PTPRN2: variants seen among roughly 807,000 people sequenced by gnomAD.
PTPRN2 encodes the protein protein tyrosine phosphatase receptor type N2.
Under a neutral mutation model 118.8 loss-of-function variants are expected in PTPRN2, and 74 were observed. The ratio of observed to expected loss-of-function variants is 0.62; its 90% CI spans 0.52 to 0.76. PTPRN2 has a LOEUF of 0.76. PTPRN2 is among the 30% of genes least tolerant of loss of function. The pLI, the probability that PTPRN2 is intolerant of heterozygous loss-of-function variation, is 0.00. For missense variants in PTPRN2, 1,481 were observed against 1,394.4 expected, an observed-to-expected ratio of 1.06 and a Z score of -0.99; for synonymous variants, 641 against 608.0, an observed-to-expected ratio of 1.05 and a Z score of -0.80.
rs183610578 is a variant in PTPRN2, at chr7:158,557,785, G to T, written c.112+29773C>A. ...CGCCTAGAAGTGGGCTGGCCAATGT[G>T]GTCAGGAAGGAAGGGTGACTTGGGA... On this transcript the variant is annotated intron_variant, in intron 1 of 22. Transcript: ENST00000389418. Among the ~76,000 whole-genome samples the T allele has an allele frequency of 2.5e-4, 38 of 152,260 alleles. No individual in the cohort carries two copies. In the East Asian group the frequency reaches 7.2e-3, roughly 29 times the overall value.
At chr7:158,091,042 G>A (rs1814078083) in intron 10 of PTPRN2, among the ~76,000 whole-genome samples, 1 of 152,202 alleles carries the variant, frequency 6.6e-6, no homozygotes, top group South Asian at 2.1e-4. Flanking sequence ...TTCGGAAATG[G>A]TTTTAAATAA....
intron 3 of PTPRN2, among the ~76,000 whole-genome samples, chr7:158,289,047 C>T (rs1799940634): frequency 6.6e-6 from 1 of 152,168 alleles, no homozygotes; most frequent in African/African-American, 2.4e-5. Flanking sequence ...TATAAACCTT[C>T]CTGTAACTCC....
chr7:158,096,035 T>C (rs1435748895), intron 10 of PTPRN2, among the ~76,000 whole-genome samples: 1 of 152,246 alleles, frequency 6.6e-6, no homozygotes, highest in Non-Finnish European at 1.5e-5. Flanking sequence ...GAGAAAAGAA[T>C]GGGTTCTTCT....
Position 157,898,702 on chromosome 7 carries a change from G to C in PTPRN2, c.1759C>G (p.Leu587Val). The C allele has an allele frequency of 6.2e-7, 1 of 1,608,124 alleles. No homozygotes were observed. ...NKDKLEETSGLKILQTGVGSK... is the reference protein window; with the variant it reads ...NKDKLEETSGVKILQTGVGSK... ...CCGACTCCGGTTTGAAGAATTTTCA[G>C]TCCAGAGGTTTCCTCCAGTTTGTCT... Residue 587 changes from leucine (L) to valine (V), a missense_variant, in exon 12 of 23, where the codon CTG becomes GTG. Transcript: ENST00000389418.
In PTPRN2 at chr7:158,529,953, C is replaced by G. The variant is rs1008592344; in HGVS notation, c.113-40168G>C. 6.6e-6 allele frequency among the ~76,000 whole-genome samples: 1 copy of G among 152,110 alleles called. No individual in the cohort carries two copies. The highest frequency in any genetic ancestry group is 2.4e-5 in the African/African-American group (1 of 41,430). On this transcript the variant is annotated intron_variant, in intron 1 of 22. Coordinates refer to ENST00000389418, the MANE Select transcript of PTPRN2 (RefSeq NM_002847.5). The surrounding 1 kb of genome is among the most constrained non-coding windows in gnomAD (Gnocchi z 4.7). The stretch of plus-strand genomic sequence containing the variant: ...CACATGCACACATGTATCTCACATA[C>G]CACACACAAGCATGCACGCCACACA...
intron 9 of PTPRN2, among the ~76,000 whole-genome samples, chr7:158,121,468 G>A (rs1220747953): frequency 6.6e-6 from 1 of 152,240 alleles, no homozygotes; most frequent in African/African-American, 2.4e-5. Flanking sequence ...TGTCATCTGA[G>A]TTTGTTTCTT....
chr7:158,356,907 T>G (rs904826636), intron 2 of PTPRN2, among the ~76,000 whole-genome samples: 4 of 152,040 alleles, frequency 2.6e-5, no homozygotes, highest in Non-Finnish European at 4.4e-5. Flanking sequence ...CCCATCACGA[T>G]CATCATCGAA....
chr7:158,395,750 G>C lies in PTPRN2; in HGVS notation c.164-78818C>G, dbSNP rs796322819. On this transcript the variant is annotated intron_variant, in intron 2 of 22. Transcript: ENST00000389418. Reference sequence around the variant, plus strand: ...GAGGGGAGAGGGGAGAGGGGCGAGGGGTGAGGCGCGAGGGGCGAGGGGTGA... The same window carrying C: ...GAGGGGAGAGGGGAGAGGGGCGAGGCGTGAGGCGCGAGGGGCGAGGGGTGA... 5.1e-4 allele frequency among the ~76,000 whole-genome samples: 17 copies of C among 33,510 alleles called. 1 individual carries two copies. The highest frequency in any genetic ancestry group is 1.9e-3 in the African/African-American group (14 of 7,364). 22.0% of individuals were successfully genotyped at this position (33,510 alleles called of 152,430 possible).
Position 158,166,953 on chromosome 7 carries a change from T to G in PTPRN2, c.888A>C (p.Glu296Asp). The part of the protein sequence containing the change: ...QKWPSPLGDS[E>D]DPSSTGDGAR... ...CACCATCGCCTGTGCTGGAGGGGTC[T>G]TCGGAATCTCCCAGAGGTGAAGGCC... The change falls in exon 6 of 23, where the codon GAA (glutamate) becomes GAC (aspartate). Residue 296 changes from glutamate to aspartate, a missense_variant. By Grantham distance (45) the Glu-to-Asp change is conservative. This residue lies in a region of PTPRN2 where 1,115 missense variants were observed against 994.2 expected (regional missense o/e 1.12). Coordinates refer to ENST00000389418, the MANE Select transcript of PTPRN2 (RefSeq NM_002847.5). 1 of 1,444,792 alleles carries G rather than the reference T, an allele frequency of 6.9e-7. No individual in the cohort carries two copies. Among genetic ancestry groups the G allele is most frequent in the Non-Finnish European group, 9.1e-7 (1 of 1,094,226 alleles). The allele number at this position is 1,444,792 out of a possible 1,614,324, so 89.5% of individuals were successfully genotyped here. A position where few individuals can be genotyped will look rare whatever the true frequency, so the allele number is the denominator to read the frequency against.
intron 12 of PTPRN2, among the ~76,000 whole-genome samples, chr7:157,769,990 G>A (rs1430558444): frequency 6.6e-6 from 1 of 152,148 alleles, no homozygotes; most frequent in South Asian, 2.1e-4. Context: ...CCCCGACCTC[G>A]GCTACCGCAT....
At chr7:157,678,502 G>A (rs910282857) in intron 13 of PTPRN2, among the ~76,000 whole-genome samples, 1 of 152,200 alleles carries the variant, frequency 6.6e-6, no homozygotes, top group African/African-American at 2.4e-5. Flanking sequence ...TCTGCACCGG[G>A]GGTAAGAAGT....
chr7:157,706,861 G>A (rs921402803), intron 12 of PTPRN2, among the ~76,000 whole-genome samples: 1 of 149,692 alleles, frequency 6.7e-6, no homozygotes, highest in Admixed American at 6.7e-5. Flanking sequence ...GCAAATGAGC[G>A]AATCTGACCC....
intron 11 of PTPRN2, among the ~76,000 whole-genome samples, chr7:157,931,097 T>C (rs1691457700): frequency 6.6e-6 from 1 of 152,076 alleles, no homozygotes; most frequent in African/African-American, 2.4e-5. Flanking sequence ...CTAGAAGCCA[T>C]GGCTCCAGCA....
Position 158,389,971 on chromosome 7 carries a change from T to C in PTPRN2, c.164-73039A>G, listed in dbSNP as rs148191203. On this transcript the variant is annotated intron_variant, in intron 2 of 22. Coordinates refer to ENST00000389418, the MANE Select transcript of PTPRN2 (RefSeq NM_002847.5). ...CTCCGGTGCAGCCAGGCCTCCTGCA[T>C]CCACCTCGGATGACTCTGTAATGAC... is the stretch of plus-strand genomic sequence containing the variant. Among the ~76,000 whole-genome samples the C allele has an allele frequency of 5.6e-3, 856 of 152,322 alleles. 4 individuals are homozygous for C. The highest frequency in any genetic ancestry group is 7.8e-3 in the Non-Finnish European group (529 of 68,026).
At chr7:158,443,264 A>G (rs1042488867) in intron 2 of PTPRN2, among the ~76,000 whole-genome samples, 3 of 152,186 alleles carry the variant, frequency 2.0e-5, no homozygotes, top group Non-Finnish European at 4.4e-5. Flanking sequence ...CCGCGGCTCC[A>G]GGGCAGCGCC....
intron 11 of PTPRN2, among the ~76,000 whole-genome samples, chr7:158,054,276 C>T (rs1809613377): frequency 6.6e-6 from 1 of 152,174 alleles, no homozygotes; most frequent in African/African-American, 2.4e-5. Flanking sequence ...ATGCGTGGGC[C>T]GATTCGACTG....
At chr7:158,336,381 G>C (rs1358105339) in intron 2 of PTPRN2, among the ~76,000 whole-genome samples, 1 of 130,388 alleles carries the variant, frequency 7.7e-6, no homozygotes, top group African/African-American at 3.0e-5. Context: ...GCTGACACAT[G>C]CAGACGTCAC....
Position 157,568,920 on chromosome 7 carries a change from G to A in PTPRN2, c.2884C>T (p.Leu962Phe). The A allele has an allele frequency of 6.4e-7, 1 of 1,572,918 alleles. No homozygotes were observed. The highest frequency in any genetic ancestry group is 1.3e-5 in the African/African-American group (1 of 74,082). Residue 962 changes from leucine (L) to phenylalanine (F), a missense_variant, in exon 21 of 23, where the codon CTC (leucine) becomes TTC (phenylalanine). Physicochemically the swap from Leu to Phe is conservative, Grantham distance 22 (BLOSUM62 0). Coordinates refer to ENST00000389418, the MANE Select transcript of PTPRN2 (RefSeq NM_002847.5). ...SGTYVLIDMV[L>F]NKMAKGAKEI... ...GTCTCACCTTTGGCCATCTTGTTGA[G>A]AACCATGTCGATCAGGACGTAGGTG...
intron 21 of PTPRN2, among the ~76,000 whole-genome samples, chr7:157,564,128 A>G (rs1799362614): frequency 3.8e-5 from 1 of 26,448 alleles, no homozygotes; most frequent in African/African-American, 1.1e-4. Flanking sequence ...CTAAAAGCAC[A>G]AGAAAAAAAA....
Sources: allele counts gnomAD v4.1 joint callset (sites outside exome capture counted in the v4.1 genomes callset), GRCh38; gene constraint gnomAD v4.1.1; regional missense constraint gnomAD v4.1.1; non-coding constraint Gnocchi (gnomAD v3.1); transcripts MANE v1.5; gene names NCBI Gene and HGNC (gene_info 2026-07-23, HGNC 2026-07-21).